Variants in PPP1R12B observed in about 807,000 individuals in gnomAD.
PPP1R12B encodes the protein protein phosphatase 1 regulatory subunit 12B.
PPP1R12B carries 76 observed loss-of-function variants against 126.1 expected under a neutral mutation model. That is an observed-to-expected ratio of 0.60 (90% CI 0.50 to 0.73). PPP1R12B has a LOEUF of 0.73. Among genes scored for constraint, PPP1R12B ranks in the 30% least tolerant of loss-of-function variants. The probability of loss-of-function intolerance (pLI) is 0.00; values close to 1 mark genes in which losing one functional copy is unlikely to be tolerated. For missense variants in PPP1R12B, 1,052 were observed against 1,205.1 expected (o/e 0.87, Z 1.88); for synonymous variants, 356 against 434.7 (o/e 0.82, Z 2.25).
At chr1:202,559,341 G>A (rs1687289787) in intron 19 of PPP1R12B, among the ~76,000 whole-genome samples, 1 of 152,120 alleles carries the variant, frequency 6.6e-6, no homozygotes, top group Non-Finnish European at 1.5e-5. Context: ...CTAATCTGAT[G>A]GTTCAGATTG....
At position 202,427,167 on chromosome 1, in the gene PPP1R12B, G is replaced by T. The variant is rs776622860; in HGVS notation, c.829G>T (p.Asp277Tyr). ...SILAEALCDM[D>Y]IRNKLGQTPF... is the part of the protein sequence containing the mutation. ...CCTGGCAGAAGCACTTTGTGACATG[G>T]ATATTCGAAATAAACTGGTTAGTGA... is the stretch of plus-strand genomic sequence containing the variant. The change falls in exon 5 of 24, where the codon GAT becomes TAT. Residue 277 changes from aspartate (D) to tyrosine (Y), a missense_variant. Physicochemically the swap from Asp to Tyr is radical, Grantham distance 160. Transcript: ENST00000608999. 2.5e-6 allele frequency: 4 copies of T among 1,614,058 alleles called. No individual in the cohort carries two copies. The highest frequency in any genetic ancestry group is 3.4e-6 in the Non-Finnish European group (4 of 1,179,996).
At chr1:202,469,326 T>G (rs1038656967) in intron 13 of PPP1R12B, among the ~76,000 whole-genome samples, 2 of 152,218 alleles carry the variant, frequency 1.3e-5, no homozygotes, top group African/African-American at 2.4e-5. Context: ...GGTTTACATA[T>G]TACTTTCTAG....
rs1655417097 is a variant in PPP1R12B, at chr1:202,348,992, C to T, written c.141C>T (p.Thr47=). The change falls in exon 1 of 24, where the codon ACC becomes ACT. Residue 47 remains threonine, a synonymous_variant. Coordinates refer to ENST00000608999, the MANE Select transcript of PPP1R12B (RefSeq NM_002481.4). ...ERRGAGRQPL[T]RRGSPRVRFE... ...GAGGCGCGGGGCGGCAGCCGCTGAC[C>T]AGGCGCGGGAGCCCCAGGGTCCGCT... 8 of 1,606,388 alleles carry T rather than the reference C, an allele frequency of 5.0e-6. No individual in the cohort carries two copies. The highest frequency in any genetic ancestry group is 6.8e-6 in the Non-Finnish European group (8 of 1,176,958).
intron 1 of PPP1R12B, among the ~76,000 whole-genome samples, chr1:202,375,445 C>A (rs1661022258): frequency 6.6e-6 from 1 of 152,184 alleles, no homozygotes; most frequent in Non-Finnish European, 1.5e-5. Context: ...TAATACATTT[C>A]CTTCTCCTAC....
intron 1 of PPP1R12B, among the ~76,000 whole-genome samples, chr1:202,410,549 G>A (rs1021417823): frequency 2.0e-5 from 3 of 152,214 alleles, no homozygotes; most frequent in Non-Finnish European, 2.9e-5. Context: ...AGGAGGCTTT[G>A]TTTTATGAGG....
In PPP1R12B at chr1:202,350,594, A is replaced by C. The variant is rs551280097; in HGVS notation, c.291+1452A>C. On this transcript the variant is annotated intron_variant, in intron 1 of 23. Transcript: ENST00000608999. ...ACTTTAAATTTCTGAACTCTTTGGG[A>C]AGGTGAATTCTTGTTTTTCTTTTTC... 2.6e-5 allele frequency among the ~76,000 whole-genome samples: 4 copies of C among 152,026 alleles called. No homozygotes were observed. The East Asian group carries it at 7.7e-4, about 29-fold the overall frequency.
At chr1:202,557,271 A>G (rs938968624) in intron 18 of PPP1R12B, among the ~76,000 whole-genome samples, 35 of 152,204 alleles carry the variant, frequency 2.3e-4, no homozygotes, top group Admixed American at 2.0e-4. Flanking sequence ...GGTGTGAGCC[A>G]CTGTGCCCAG....
chr1:202,500,180 G>C (rs1680044548), intron 18 of PPP1R12B, among the ~76,000 whole-genome samples: 1 of 151,980 alleles, frequency 6.6e-6, no homozygotes, highest in Non-Finnish European at 1.5e-5. Context: ...TGGTGGTCTA[G>C]TGGTTAGGAT....
At chr1:202,512,950 A>G (rs1681708127) in intron 18 of PPP1R12B, among the ~76,000 whole-genome samples, 1 of 152,122 alleles carries the variant, frequency 6.6e-6, no homozygotes, top group Non-Finnish European at 1.5e-5. Context: ...ACTATGTTGT[A>G]TTTGCCAACT....
chr1:202,526,801 A>G (rs553925354), intron 18 of PPP1R12B, among the ~76,000 whole-genome samples: 18 of 152,164 alleles, frequency 1.2e-4, no homozygotes, highest in Non-Finnish European at 2.5e-4. Flanking sequence ...GCTGAAGAAG[A>G]AAAGAATACT....
rs749050180 is a variant in PPP1R12B at position 202,495,610 on chromosome 1, G to A, written c.2376G>A (p.Arg792=). 1 of 1,614,134 alleles carries A rather than the reference G, an allele frequency of 6.2e-7. No individual in the cohort carries two copies. Among genetic ancestry groups the A allele is most frequent in the South Asian group, 1.1e-5 (1 of 91,084 alleles). Reference sequence around the variant, plus strand: ...ATTTGGATGAGCAGTCCTCTAAGAGGCTGTCCATCCGAGAGAGGAGGCGGC... The same window carrying A: ...ATTTGGATGAGCAGTCCTCTAAGAGACTGTCCATCCGAGAGAGGAGGCGGC... ...EADLDEQSSK[R]LSIRERRRPK... Residue 792 remains arginine (R), a synonymous_variant, in exon 17 of 24, where the codon AGG becomes AGA. Coordinates refer to ENST00000608999, the MANE Select transcript of PPP1R12B (RefSeq NM_002481.4).
intron 1 of PPP1R12B, among the ~76,000 whole-genome samples, chr1:202,365,242 G>C (rs918827019): frequency 6.6e-6 from 1 of 151,984 alleles, no homozygotes; most frequent in East Asian, 1.9e-4. Context: ...TTGAGGCCAG[G>C]AGTTTGAGAC....
intron 1 of PPP1R12B, among the ~76,000 whole-genome samples, chr1:202,400,212 T>C (rs1283143621): frequency 1.3e-5 from 2 of 152,244 alleles, no homozygotes; most frequent in African/African-American, 2.4e-5. Context: ...TTATGGCACA[T>C]AACTAGGAGA....
intron 13 of PPP1R12B, among the ~76,000 whole-genome samples, chr1:202,466,758 T>C (rs1558263237): frequency 6.6e-6 from 1 of 152,228 alleles, no homozygotes; most frequent in Non-Finnish European, 1.5e-5. Context: ...GGCATGTATT[T>C]CTGTAAGAAT....
intron 15 of PPP1R12B, among the ~76,000 whole-genome samples, chr1:202,493,627 A>G (rs1285899692): frequency 6.6e-6 from 1 of 152,238 alleles, no homozygotes; most frequent in African/African-American, 2.4e-5. Context: ...ACTTTACTCA[A>G]TACATGCTTA....
chr1:202,541,255 A>G (rs533645969), intron 18 of PPP1R12B, among the ~76,000 whole-genome samples: 3 of 151,964 alleles, frequency 2.0e-5, no homozygotes, highest in Non-Finnish European at 4.4e-5. Flanking sequence ...ATTATTTTGT[A>G]TGCATTTTCA....
rs368469909 is a variant in PPP1R12B, at chr1:202,428,894, G to C, written c.886G>C (p.Glu296Gln). 1.4e-5 allele frequency: 23 copies of C among 1,608,144 alleles called. No individual in the cohort carries two copies. The highest frequency in any genetic ancestry group is 2.0e-5 in the Non-Finnish European group (23 of 1,177,820). ...PFDVADEGLVEHLELLQKKQN... is the reference protein window; with the variant it reads ...PFDVADEGLVQHLELLQKKQN... ...TGATGTGGCTGATGAGGGTCTCGTG[G>C]AGCATTTGGAGTTGCTCCAGAAGAA... is the stretch of plus-strand genomic sequence containing the variant. The change falls in exon 6 of 24, where the codon GAG (glutamate) becomes CAG (glutamine). Residue 296 changes from glutamate to glutamine, a missense_variant. Coordinates refer to ENST00000608999, the MANE Select transcript of PPP1R12B (RefSeq NM_002481.4).
At chr1:202,527,017 A>T (rs1362731963) in intron 18 of PPP1R12B, among the ~76,000 whole-genome samples, 1 of 152,164 alleles carries the variant, frequency 6.6e-6, no homozygotes, top group Admixed American at 6.5e-5. Context: ...TAAGCTTTCA[A>T]CTCAAGAAGT....
At chr1:202,494,712 AAAAAGAAAAG>A (rs572413322) in intron 15 of PPP1R12B, among the ~76,000 whole-genome samples, 4 of 152,086 alleles carry the variant, frequency 2.6e-5, no homozygotes, top group Middle Eastern at 3.4e-3. Context: ...TCTCAAAAAA[AAAAAGAAAAG>A]AAAAGAAAAG....
Sources: allele counts gnomAD v4.1 joint callset (sites outside exome capture counted in the v4.1 genomes callset), GRCh38; gene constraint gnomAD v4.1.1; transcripts MANE v1.5; gene names NCBI Gene and HGNC (gene_info 2026-07-23, HGNC 2026-07-21).